Variants in SRPX2 observed in about 807,000 individuals in gnomAD.
SRPX2 encodes the protein sushi repeat containing protein X-linked 2.
In SRPX2, 26 loss-of-function variants were observed where a neutral mutation model predicts 45.3. The observed-to-expected ratio is 0.57, with a 90% CI of 0.42 to 0.80. The LOEUF is 0.80. Among genes scored for constraint, SRPX2 ranks in the 30% least tolerant of loss-of-function variants. The pLI, the probability that SRPX2 is intolerant of heterozygous loss-of-function variation, is 0.00. For synonymous variants in SRPX2, 125 were observed against 143.7 expected (o/e 0.87, Z 0.93); for missense variants, 355 against 399.8 (o/e 0.89, Z 0.95).
rs1406529183 is a variant in SRPX2, at chrX:100,664,893, C to T, written c.475C>T (p.Arg159Cys). 2.5e-6 allele frequency: 3 copies of T among 1,209,245 alleles called. No individual in the cohort carries two copies. The highest frequency in any genetic ancestry group is 2.2e-5 in the Admixed American group (1 of 45,797). The change falls in exon 5 of 11, where the codon CGC (arginine) becomes TGC (cysteine). Residue 159 changes from arginine to cysteine, a missense_variant. Coordinates refer to ENST00000373004, the MANE Select transcript of SRPX2 (RefSeq NM_014467.3). ...CSSGYHLEGD[R>C]SRICMEDGRW... The stretch of plus-strand genomic sequence containing the variant: ...CAGTGGCTACCACCTGGAAGGTGAT[C>T]GCAGCCGAATCTGCATGGAAGATGG...
chrX:100,660,887 G>C (rs1357860166), intron 3 of SRPX2: 1 of 111,298 alleles, frequency 9.0e-6, no homozygotes, highest in East Asian at 2.8e-4. Context: ...TTTGAGATTT[G>C]AGTTGTTTCC....
At chrX:100,655,036 T>C (rs1007864350) in intron 3 of SRPX2, among the ~76,000 whole-genome samples, 3 of 111,654 alleles carry the variant, frequency 2.7e-5, no homozygotes, top group Non-Finnish European at 5.6e-5. Context: ...ATTTTCTGCA[T>C]ACACCTTAAA....
intron 9 of SRPX2, 47 bp from the exon 10 acceptor site, chrX:100,669,201 T>A (rs754685747): frequency 8.3e-7 from 1 of 1,206,622 alleles, no homozygotes; most frequent in South Asian, 1.8e-5. Context: ...TAGCCTTAGG[T>A]TTGAACGCAC....
chrX:100,667,004 A>G, intron 8 of SRPX2, 71 bp downstream of exon 8: 3 of 1,143,099 alleles, frequency 2.6e-6, no homozygotes, highest in Non-Finnish European at 3.5e-6. Flanking sequence ...TTCCTCATGG[A>G]CAGGGGTCCA....
intron 9 of SRPX2, among the ~76,000 whole-genome samples, chrX:100,668,725 C>A (rs12842251): frequency 9.0e-5 from 10 of 111,372 alleles, no homozygotes; most frequent in Non-Finnish European, 1.7e-4. Context: ...TCCTGGAGAC[C>A]GAGCGAAGGC....
intron 8 of SRPX2, 87 bp downstream of exon 8, chrX:100,667,020 A>G (rs2083206935): frequency 7.2e-6 from 8 of 1,115,669 alleles, no homozygotes; most frequent in Non-Finnish European, 8.5e-6. Flanking sequence ...GTCCAATAAC[A>G]ATGTATATGA....
intron 3 of SRPX2, among the ~76,000 whole-genome samples, chrX:100,653,652 C>T (rs1011686149): frequency 1.8e-5 from 2 of 111,903 alleles, no homozygotes; most frequent in Non-Finnish European, 3.8e-5. Flanking sequence ...ACTGTGTTCC[C>T]AACTGCTTTA....
In SRPX2 at chrX:100,664,820, C is replaced by T. The variant is rs776317800; in HGVS notation, c.402C>T (p.Thr134=). The T allele has an allele frequency of 3.1e-5, 38 of 1,206,920 alleles. No homozygotes were observed. Among genetic ancestry groups the T allele is most frequent in the East Asian group, 3.0e-5 (1 of 33,698 alleles). ...ALPFITSGTY[T]CTNGVLLDSR... ...CATTCATCACTAGTGGCACTTACAC[C>T]TGCACAAATGGAGTGCTTCTTGACT... The change falls in exon 5 of 11, where the codon ACC becomes ACT. Residue 134 remains threonine, a synonymous_variant. Coordinates refer to ENST00000373004, the MANE Select transcript of SRPX2 (RefSeq NM_014467.3).
intron 3 of SRPX2, among the ~76,000 whole-genome samples, chrX:100,656,152 C>G (rs956091158): frequency 1.8e-5 from 2 of 110,801 alleles, no homozygotes; most frequent in Non-Finnish European, 3.8e-5. Flanking sequence ...TGAGCCACCA[C>G]GCCCAGCCAG....
chrX:100,670,104 T>G (rs2083218821), intron 10 of SRPX2, among the ~76,000 whole-genome samples: 2 of 111,568 alleles, frequency 1.8e-5, no homozygotes, highest in East Asian at 5.7e-4. Context: ...GAAATCTGAG[T>G]AAGATCTATC....
At chrX:100,646,897 A>T (rs779407434) in intron 2 of SRPX2, among the ~76,000 whole-genome samples, 20 of 112,269 alleles carry the variant, frequency 1.8e-4, no homozygotes, top group African/African-American at 6.5e-4. Flanking sequence ...GATCTTATTT[A>T]TAAAATGAGA....
At chrX:100,644,724 G>A (rs998860106) in intron 1 of SRPX2, among the ~76,000 whole-genome samples, 7 of 111,324 alleles carry the variant, frequency 6.3e-5, no homozygotes, top group Non-Finnish European at 9.4e-5. Context: ...CACAGCAGAG[G>A]GATGGGATGG....
At chrX:100,667,156 G>A (rs2083207320) in intron 8 of SRPX2, 118 bp from the exon 9 acceptor site, 3 of 1,107,269 alleles carry the variant, frequency 2.7e-6, no homozygotes, top group African/African-American at 1.8e-5. Flanking sequence ...CCCAAGGGAT[G>A]GGAGAAACAG....
At position 100,675,371 on chromosome X, in the gene SRPX2, A is replaced by C. The variant is rs1199997583; in HGVS notation, c.*4384A>C. The C allele has an allele frequency of 1.8e-5, 2 of 112,780 alleles. No homozygotes were observed. Among genetic ancestry groups the C allele is most frequent in the Non-Finnish European group, 3.7e-5 (2 of 53,339 alleles). 9.3% of individuals were successfully genotyped at this position (112,780 alleles called of 1,213,427 possible). A position where few individuals can be genotyped will look rare whatever the true frequency, so the allele number is the denominator to read the frequency against. On this transcript the variant is annotated 3_prime_UTR_variant, in exon 11 of 11. Coordinates refer to ENST00000373004, the MANE Select transcript of SRPX2 (RefSeq NM_014467.3). Reference sequence around the variant, plus strand: ...ATAAGAGTCCCCCAAAGGTCTAGTAAAGATATCTAGAACTGGAAAAAGCTT... The same window carrying C: ...ATAAGAGTCCCCCAAAGGTCTAGTACAGATATCTAGAACTGGAAAAAGCTT...
chrX:100,672,713 T>A lies in SRPX2; in HGVS notation c.*1726T>A, dbSNP rs144260939. 3.7e-4 allele frequency: 41 copies of A among 111,807 alleles called. No homozygotes were observed. The East Asian group carries it at 0.012, about 32-fold the overall frequency. 9.2% of individuals were successfully genotyped at this position (111,807 alleles called of 1,213,427 possible). A position where few individuals can be genotyped will look rare whatever the true frequency, so the allele number is the denominator to read the frequency against. ...AAGCAAGGAGAAACTTTCCATGTTC[T>A]ATAATCCTACCCAGACACAAGGCTC... On this transcript the variant is annotated 3_prime_UTR_variant, in exon 11 of 11. Transcript: ENST00000373004.
chrX:100,657,813 A>ATTTTGTTTTTGTT (rs912110713), intron 3 of SRPX2, among the ~76,000 whole-genome samples: 1 of 111,156 alleles, frequency 9.0e-6, no homozygotes, highest in Admixed American at 9.5e-5. Flanking sequence ...TTTGCCCAAT[A>ATTTTGTTTTTGTT]TTTTGTTTTT....
At chrX:100,654,868 T>C (rs951072488) in intron 3 of SRPX2, among the ~76,000 whole-genome samples, 1 of 112,159 alleles carries the variant, frequency 8.9e-6, no homozygotes, top group African/African-American at 3.2e-5. Flanking sequence ...GCACTTTCTA[T>C]CATTCCCTTA....
At chrX:100,656,216 C>T (rs1160973359) in intron 3 of SRPX2, among the ~76,000 whole-genome samples, 1 of 110,967 alleles carries the variant, frequency 9.0e-6, no homozygotes, top group African/African-American at 3.3e-5. Context: ...TAATACTTTA[C>T]ATATTTATGG....
At chrX:100,664,407 T>A (rs1212442183) in intron 4 of SRPX2, among the ~76,000 whole-genome samples, 1 of 111,357 alleles carries the variant, frequency 9.0e-6, no homozygotes, top group Non-Finnish European at 1.9e-5. Context: ...GTACATTTTT[T>A]ACAGTTGACG....
Sources: allele counts gnomAD v4.1 joint callset (sites outside exome capture counted in the v4.1 genomes callset), GRCh38; gene constraint gnomAD v4.1.1; transcripts MANE v1.5; gene names NCBI Gene and HGNC (gene_info 2026-07-23, HGNC 2026-07-21).